LRP1B: variants seen among roughly 807,000 people sequenced by gnomAD.
The protein encoded by LRP1B is LDL receptor related protein 1B.
In LRP1B, 217 loss-of-function variants were observed where a neutral mutation model predicts 556.6. The ratio of observed to expected loss-of-function variants is 0.39; its 90% CI spans 0.35 to 0.44. The LOEUF (loss-of-function observed/expected upper bound fraction) is 0.44, where lower values mean the gene tolerates loss of function less well. Ranked by LOEUF, LRP1B falls within the 20% of genes least tolerant of loss-of-function variation. LRP1B has a pLI of 1.00. For synonymous variants in LRP1B, 2,047 were observed against 1,865.8 expected (o/e 1.10, Z -2.50); for missense variants, 5,053 against 5,620.8 (o/e 0.90, Z 3.23).
chr2:141,327,818 T>A (rs893258578), intron 3 of LRP1B, among the ~76,000 whole-genome samples: 1 of 152,082 alleles, frequency 6.6e-6, no homozygotes, highest in African/African-American at 2.4e-5. Flanking sequence ...TTTCCAATCA[T>A]CTTCTTCTCT....
chr2:141,832,270 A>G (rs1376153646), intron 1 of LRP1B, among the ~76,000 whole-genome samples: 2 of 151,018 alleles, frequency 1.3e-5, no homozygotes, highest in African/African-American at 2.4e-5. Flanking sequence ...AGACATTAGA[A>G]TTGACCTTGA....
At chr2:141,119,908 G>A (rs1574092998) in intron 7 of LRP1B, among the ~76,000 whole-genome samples, 1 of 151,838 alleles carries the variant, frequency 6.6e-6, no homozygotes, top group African/African-American at 2.4e-5. Flanking sequence ...CTATCACCCT[G>A]AAGATCCATA....
chr2:140,946,400 G>A (rs1471709406), intron 20 of LRP1B, among the ~76,000 whole-genome samples: 1 of 152,116 alleles, frequency 6.6e-6, no homozygotes, highest in East Asian at 1.9e-4. Context: ...AGGAGTTTGA[G>A]ACCAGCCTGG....
chr2:141,586,254 T>C (rs1024417586), intron 2 of LRP1B, among the ~76,000 whole-genome samples: 2 of 152,172 alleles, frequency 1.3e-5, no homozygotes, highest in Admixed American at 6.5e-5. Context: ...GGATAAAATA[T>C]AAAAAGCCTT....
rs187030198 is a variant in LRP1B, at chr2:141,656,360, A to G, written c.205+153919T>C. Among the ~76,000 whole-genome samples, 736 of 152,308 alleles carry G rather than the reference A, an allele frequency of 4.8e-3. 4 individuals carry two copies. Among genetic ancestry groups the G allele is most frequent in the Non-Finnish European group, 8.2e-3 (557 of 68,014 alleles). On this transcript the variant is annotated intron_variant, in intron 2 of 90. Transcript: ENST00000389484. ...GAAGGAATCCCTTATAAGACATTAAAGATAAATGTTTCATCTATCTCTGGT... is the reference window on the plus strand; with the variant it reads ...GAAGGAATCCCTTATAAGACATTAAGGATAAATGTTTCATCTATCTCTGGT...
At chr2:140,529,879 C>T (rs780465743) in intron 47 of LRP1B, among the ~76,000 whole-genome samples, 1 of 151,912 alleles carries the variant, frequency 6.6e-6, no homozygotes. Context: ...CTCATCTCCC[C>T]ACCTCCAGAT....
intron 1 of LRP1B, among the ~76,000 whole-genome samples, chr2:142,015,880 T>C (rs1425657277): frequency 3.3e-5 from 5 of 149,998 alleles, no homozygotes; most frequent in African/African-American, 9.8e-5. Flanking sequence ...TAGTCCCAGC[T>C]ACTCGGGAGG....
intron 1 of LRP1B, among the ~76,000 whole-genome samples, chr2:142,029,863 T>G (rs574599782): frequency 1.3e-5 from 2 of 151,686 alleles, no homozygotes; most frequent in South Asian, 4.2e-4. Context: ...CAAAACTACC[T>G]GATGCAATTA....
intron 66 of LRP1B, among the ~76,000 whole-genome samples, chr2:140,424,164 T>A (rs1409983070): frequency 1.3e-5 from 2 of 152,124 alleles, no homozygotes; most frequent in Non-Finnish European, 2.9e-5. Flanking sequence ...AAGCACTGAG[T>A]GGGGAGGGCT....
intron 1 of LRP1B, among the ~76,000 whole-genome samples, chr2:141,928,251 T>C (rs866027218): frequency 1.2e-4 from 19 of 152,310 alleles, no homozygotes; most frequent in African/African-American, 4.1e-4. Context: ...TAGATTTAAG[T>C]TGAATATATT....
intron 2 of LRP1B, among the ~76,000 whole-genome samples, chr2:141,519,601 A>C (rs1684462551): frequency 6.6e-6 from 1 of 151,880 alleles, no homozygotes; most frequent in Non-Finnish European, 1.5e-5. Context: ...TTGAGATGTG[A>C]AAATCAAGAG....
intron 3 of LRP1B, among the ~76,000 whole-genome samples, chr2:141,359,493 C>T (rs1042690461): frequency 2.6e-5 from 4 of 152,122 alleles, no homozygotes; most frequent in Non-Finnish European, 4.4e-5. Flanking sequence ...AGTGGTGGCT[C>T]ACATCTGTAA....
intron 3 of LRP1B, among the ~76,000 whole-genome samples, chr2:141,329,334 G>A (rs1288922520): frequency 1.4e-5 from 2 of 147,236 alleles, no homozygotes; most frequent in East Asian, 4.0e-4. Flanking sequence ...GTCAAAGTGA[G>A]CTGAGATTGC....
chr2:140,894,416 G>A (rs1464606356), intron 23 of LRP1B, among the ~76,000 whole-genome samples: 1 of 151,850 alleles, frequency 6.6e-6, no homozygotes, highest in Non-Finnish European at 1.5e-5. Flanking sequence ...CTTAATTGTA[G>A]AAAGAGATCT....
At chr2:140,302,361 T>A (rs1683871348) in intron 83 of LRP1B, among the ~76,000 whole-genome samples, 1 of 152,172 alleles carries the variant, frequency 6.6e-6, no homozygotes, top group Non-Finnish European at 1.5e-5. Flanking sequence ...TCATCGACTC[T>A]TCCCACTCCC....
At chr2:140,519,707 A>T (rs934269011) in intron 49 of LRP1B, among the ~76,000 whole-genome samples, 3 of 152,204 alleles carry the variant, frequency 2.0e-5, no homozygotes, top group African/African-American at 7.2e-5. Context: ...TTTGCACTCT[A>T]CCCATCTGAC....
At position 142,053,370 on chromosome 2, in the gene LRP1B, C is replaced by A. The variant is rs1236117593; in HGVS notation, c.82+77278G>T. ...AGTCATTAGGAATAAAAGAGCATAG[C>A]AGAAATTAATTCAAATGTTCACAGC... On this transcript the variant is annotated intron_variant, in intron 1 of 90. Transcript: ENST00000389484. 2.0e-4 allele frequency among the ~76,000 whole-genome samples: 31 copies of A among 152,018 alleles called. 1 individual carries two copies. Among genetic ancestry groups the A allele is most frequent in the Admixed American group, 2.0e-3 (31 of 15,254 alleles).
chr2:140,423,023 A>G (rs762960947), intron 66 of LRP1B, among the ~76,000 whole-genome samples: 8 of 152,174 alleles, frequency 5.3e-5, no homozygotes, highest in African/African-American at 1.2e-4. Flanking sequence ...AAACAAAACC[A>G]AGTCGATGAA....
chr2:141,493,112 T>C (rs988552875), intron 2 of LRP1B, among the ~76,000 whole-genome samples: 4 of 152,150 alleles, frequency 2.6e-5, no homozygotes, highest in African/African-American at 9.7e-5. Context: ...TTATAATTGC[T>C]ATTATAGAGA....
Sources: allele counts gnomAD v4.1 joint callset (sites outside exome capture counted in the v4.1 genomes callset), GRCh38; gene constraint gnomAD v4.1.1; transcripts MANE v1.5; gene names NCBI Gene and HGNC (gene_info 2026-07-23, HGNC 2026-07-21).